Variants in PTPRN2 observed in about 807,000 individuals in gnomAD.
PTPRN2 encodes receptor-type tyrosine-protein phosphatase N2.
A neutral mutation model predicts 118.8 loss-of-function variants in PTPRN2; 74 were observed. That is an observed-to-expected ratio of 0.62 (90% CI 0.52 to 0.76). The LOEUF is 0.76. PTPRN2 is among the 30% of genes least tolerant of loss of function. PTPRN2 has a pLI of 0.00. For synonymous variants in PTPRN2, 641 were observed against 608.0 expected, an observed-to-expected ratio of 1.05 and a Z score of -0.80; for missense variants, 1,481 against 1,394.4, an observed-to-expected ratio of 1.06 and a Z score of -0.99.
intron 1 of PTPRN2, among the ~76,000 whole-genome samples, chr7:158,522,881 G>A (rs1400761290): frequency 6.6e-6 from 1 of 152,188 alleles, no homozygotes; most frequent in Non-Finnish European, 1.5e-5. Context: ...GGCAGATGTG[G>A]AGCTGGAGAG....
chr7:158,308,260 C>G (rs1289477598), intron 3 of PTPRN2, among the ~76,000 whole-genome samples: 1 of 152,110 alleles, frequency 6.6e-6, no homozygotes, highest in Admixed American at 6.6e-5. Context: ...GAAAATCGAT[C>G]CTTCAAAACT....
At chr7:157,957,105 C>T (rs1008064092) in intron 11 of PTPRN2, among the ~76,000 whole-genome samples, 3 of 152,204 alleles carry the variant, frequency 2.0e-5, no homozygotes, top group African/African-American at 7.2e-5. Flanking sequence ...CAGAGAGGTT[C>T]AGAAGGGTTA....
intron 11 of PTPRN2, among the ~76,000 whole-genome samples, chr7:157,902,504 C>T (rs372853157): frequency 6.8e-4 from 76 of 111,244 alleles, no homozygotes; most frequent in Admixed American, 1.2e-3. Context: ...CTCAAGAGCA[C>T]GTGGGGACCA....
chr7:157,896,632 C>T (rs865907314), intron 12 of PTPRN2, among the ~76,000 whole-genome samples: 13 of 129,522 alleles, frequency 1.0e-4, no homozygotes, highest in Middle Eastern at 4.5e-3. Flanking sequence ...CCCAGGCTCA[C>T]GTGTGCGTGG....
intron 11 of PTPRN2, among the ~76,000 whole-genome samples, chr7:158,077,914 C>T (rs940414626): frequency 5.3e-5 from 8 of 152,236 alleles, no homozygotes; most frequent in Admixed American, 1.3e-4. Flanking sequence ...GACTGAGCCA[C>T]GGAGATTAAA....
rs1165085219 is a variant in PTPRN2 at position 157,977,656 on chromosome 7, C to T, written c.1724-78919G>A. ...AAGGCCCCAGGTGGGATGAATTGAG[C>T]ATGTTCAGGGAGCAGAGAGAATGCT... On this transcript the variant is annotated intron_variant, in intron 11 of 22. Transcript: ENST00000389418. The surrounding 1 kb of genome is among the most constrained non-coding windows in gnomAD (Gnocchi z 4.6). 6.6e-6 allele frequency among the ~76,000 whole-genome samples: 1 copy of T among 150,960 alleles called. No individual in the cohort carries two copies. Among genetic ancestry groups the T allele is most frequent in the Admixed American group, 6.6e-5 (1 of 15,162 alleles).
intron 12 of PTPRN2, among the ~76,000 whole-genome samples, chr7:157,766,297 C>G (rs1211898349): frequency 6.6e-6 from 1 of 151,404 alleles, no homozygotes; most frequent in Non-Finnish European, 1.5e-5. Flanking sequence ...CATCCATCAT[C>G]CATTCTTCTT....
At chr7:158,018,346 G>A (rs556088933) in intron 11 of PTPRN2, among the ~76,000 whole-genome samples, 25 of 152,228 alleles carry the variant, frequency 1.6e-4, no homozygotes, top group African/African-American at 5.1e-4. Context: ...ACACGGCTAA[G>A]GTGGCCAGAG....
intron 2 of PTPRN2, among the ~76,000 whole-genome samples, chr7:158,327,271 GTGCTCACACA>G (rs571848020): frequency 9.9e-4 from 143 of 144,794 alleles, no homozygotes; most frequent in African/African-American, 3.2e-3. Context: ...ATGCACACAC[GTGCTCACACA>G]TGCTCACACA....
rs1805383702 is a variant in PTPRN2 at position 158,003,009 on chromosome 7, G to A, written c.1723+78289C>T. Among the ~76,000 whole-genome samples, 1 of 152,152 alleles carries A rather than the reference G, an allele frequency of 6.6e-6. No homozygotes were observed. Among genetic ancestry groups the A allele is most frequent in the Non-Finnish European group, 1.5e-5 (1 of 68,014 alleles). On this transcript the variant is annotated intron_variant, in intron 11 of 22. Transcript: ENST00000389418. The surrounding 1 kb of genome is among the most constrained non-coding windows in gnomAD (Gnocchi z 5.0). ...TCCAGGGGAGGAGGAAAGAGCACAG[G>A]AGAGGGCAGGAGATGTTTGGCTTCT...
intron 5 of PTPRN2, among the ~76,000 whole-genome samples, chr7:158,170,857 CTATT>C (rs1372748460): frequency 5.3e-5 from 8 of 152,024 alleles, no homozygotes; most frequent in African/African-American, 1.9e-4. Flanking sequence ...CTTCAGCACA[CTATT>C]TAAGTAATCT....
At chr7:158,198,598 G>T (rs1318196128) in intron 4 of PTPRN2, among the ~76,000 whole-genome samples, 1 of 152,218 alleles carries the variant, frequency 6.6e-6, no homozygotes, top group African/African-American at 2.4e-5. Context: ...TGTTGTCCCT[G>T]TTCCTGCCTC....
chr7:158,424,823 G>A lies in PTPRN2; in HGVS notation c.163+64912C>T, dbSNP rs557990820. On this transcript the variant is annotated intron_variant, in intron 2 of 22. Transcript: ENST00000389418. ...GTGCTCAGCACCCTCGAGAAGGTCC[G>A]GGGACCTCGGGGCCCAGGGGCATTA... Among the ~76,000 whole-genome samples the A allele has an allele frequency of 5.3e-5, 8 of 152,066 alleles. No individual in the cohort carries two copies. The East Asian group carries it at 9.7e-4, about 18-fold the overall frequency.
Position 158,319,993 on chromosome 7 carries a change from TCA to T in PTPRN2, c.164-3063_164-3062del, listed in dbSNP as rs1332552617. ...CTCCCTCACACACACACAGCCTCCC[TCA>T]CACACACTCACACAGCCTCCCTCAT... On this transcript the variant is annotated intron_variant, in intron 2 of 22. Transcript: ENST00000389418. Among the ~76,000 whole-genome samples the T allele has an allele frequency of 7.8e-5, 3 of 38,682 alleles. 1 individual carries two copies. Among genetic ancestry groups the T allele is most frequent in the Non-Finnish European group, 5.5e-5 (1 of 18,238 alleles). 25.4% of individuals were successfully genotyped at this position (38,682 alleles called of 152,430 possible). A position where few individuals can be genotyped will look rare whatever the true frequency, so the allele number is the denominator to read the frequency against.
At position 158,081,506 on chromosome 7, in the gene PTPRN2, G is replaced by A. The variant is rs138387906; in HGVS notation, c.1644-129C>T. On this transcript the variant is annotated intron_variant, in intron 10 of 22. Transcript: ENST00000389418. ...ATCCAAGGCCGCTGTGGCTCCAGGC[G>A]TCGACTCCACTGGACGTCGGTTTTC... The A allele has an allele frequency of 1.6e-3, 1,336 of 810,756 alleles. 6 individuals carry two copies. The African/African-American group carries it at 0.02, about 12-fold the overall frequency. The allele number at this position is 810,756 out of a possible 1,614,324, so 50.2% of individuals were successfully genotyped here.
intron 11 of PTPRN2, among the ~76,000 whole-genome samples, chr7:158,080,314 CAAAAA>C (rs556546951): frequency 0.22 from 16,143 of 72,174 alleles, 1,342 homozygotes; most frequent in East Asian, 0.37. Context: ...CAAATTTAAG[CAAAAA>C]AAAAAAAAAA....
At chr7:158,408,410 T>C (rs773795167) in intron 2 of PTPRN2, among the ~76,000 whole-genome samples, 2 of 152,234 alleles carry the variant, frequency 1.3e-5, no homozygotes, top group African/African-American at 2.4e-5. Flanking sequence ...ATTTTTCAAA[T>C]AGACTTTTAA....
At chr7:158,487,217 A>G (rs1413486545) in intron 2 of PTPRN2, among the ~76,000 whole-genome samples, 1 of 152,214 alleles carries the variant, frequency 6.6e-6, no homozygotes, top group Non-Finnish European at 1.5e-5. Context: ...GCTGTTGTGC[A>G]TTAACTGCTA....
chr7:158,157,147 T>A (rs2335483), intron 6 of PTPRN2, among the ~76,000 whole-genome samples: 1 of 147,030 alleles, frequency 6.8e-6, no homozygotes, highest in Admixed American at 6.9e-5. Context: ...CTGGAAGGCC[T>A]CCCCATTGTG....
Sources: gnomAD v4.1 joint callset for allele counts (sites outside exome capture counted in the v4.1 genomes callset) on GRCh38, gnomAD v4.1.1 for gene constraint, Gnocchi (gnomAD v3.1) non-coding constraint, MANE v1.5 for transcripts, NCBI Gene and HGNC (gene_info 2026-07-23, HGNC 2026-07-21) for gene names.